The following KIF1B variants were observed in gnomAD, a reference collection of about 807,000 sequenced individuals.
The protein encoded by KIF1B is kinesin family member 1B.
A neutral mutation model predicts 241.9 loss-of-function variants in KIF1B; 76 were observed. The observed-to-expected ratio is 0.31, with a 90% CI of 0.26 to 0.38. The LOEUF (loss-of-function observed/expected upper bound fraction) is 0.38. KIF1B is among the 10% of genes least tolerant of loss of function. KIF1B has a pLI of 1.00. For missense variants in KIF1B, 1,622 were observed against 2,271.4 expected (o/e 0.71, Z 5.81); for synonymous variants, 750 against 796.7 (o/e 0.94, Z 0.99).
chr1:10,334,921 T>C (rs889345371), intron 28 of KIF1B, among the ~76,000 whole-genome samples: 1 of 151,882 alleles, frequency 6.6e-6, no homozygotes, highest in Non-Finnish European at 1.5e-5. Context: ...GCATTAACTA[T>C]ATAAAAGTCA....
Position 10,374,743 on chromosome 1 carries a change from C to A in KIF1B, c.5097-111C>A. 1 of 1,086,992 alleles carries A rather than the reference C, an allele frequency of 9.2e-7. No individual in the cohort carries two copies. Among genetic ancestry groups the A allele is most frequent in the African/African-American group, 1.6e-5 (1 of 64,402 alleles). The allele number at this position is 1,086,992 out of a possible 1,614,324, so 67.3% of individuals were successfully genotyped here. On this transcript the variant is annotated intron_variant, in intron 46 of 48. Coordinates refer to ENST00000676179, the MANE Select transcript of KIF1B (RefSeq NM_001365951.3). This position sits in a 1 kb window ranked among gnomAD's most constrained non-coding sequence, Gnocchi z 4.3. ...ATTCTAGGCCAAATAGGTCATTTGC[C>A]TGTTTCATCGAATCTAAGGACTTGG...
Position 10,303,251 on chromosome 1 carries a change from C to G in KIF1B, c.2115+6005C>G. On this transcript the variant is annotated intron_variant, in intron 22 of 48. Coordinates refer to ENST00000676179, the MANE Select transcript of KIF1B (RefSeq NM_001365951.3). The surrounding 1 kb of genome is among the most constrained non-coding windows in gnomAD (Gnocchi z 5.2). ...ATTACTTCTCTGAGAGAAAAGCTAC[C>G]TCCCAGCAAGTTGCAAACCATTGTT... is the stretch of plus-strand genomic sequence containing the variant. The G allele has an allele frequency of 6.2e-7, 1 of 1,614,138 alleles. No homozygotes were observed. Among genetic ancestry groups the G allele is most frequent in the Non-Finnish European group, 8.5e-7 (1 of 1,180,018 alleles).
At chr1:10,217,798 A>AC (rs1646788658) in intron 1 of KIF1B, among the ~76,000 whole-genome samples, 1 of 138,742 alleles carries the variant, frequency 7.2e-6, no homozygotes, top group African/African-American at 2.5e-5. Flanking sequence ...ACTTTGCTGT[A>AC]CTCCCCCGTG....
chr1:10,352,954 T>G (rs896847052), intron 38 of KIF1B, among the ~76,000 whole-genome samples: 4 of 152,236 alleles, frequency 2.6e-5, no homozygotes, highest in African/African-American at 9.6e-5. Flanking sequence ...GATCAGTTAC[T>G]CTTAGAGAAT....
At chr1:10,213,455 G>A (rs904365265) in intron 1 of KIF1B, among the ~76,000 whole-genome samples, 9 of 151,998 alleles carry the variant, frequency 5.9e-5, no homozygotes, top group East Asian at 1.9e-4. Flanking sequence ...GTCTGCCAAC[G>A]GAGTCTTTCT....
chr1:10,361,121 C>T (rs745360730), intron 39 of KIF1B, 78 bp downstream of exon 39: 109 of 923,694 alleles, frequency 1.2e-4, no homozygotes, highest in Non-Finnish European at 1.8e-4. Flanking sequence ...AAGTGGTCAG[C>T]GAAGATTCCA....
intron 40 of KIF1B, among the ~76,000 whole-genome samples, chr1:10,362,668 C>T (rs1638457216): frequency 1.3e-5 from 2 of 152,224 alleles, no homozygotes; most frequent in South Asian, 2.1e-4. Context: ...TCCCTCATAT[C>T]GTCTCTCTTA....
chr1:10,304,321 C>CA, intron 22 of KIF1B: 1 of 1,614,230 alleles, frequency 6.2e-7, no homozygotes, highest in Non-Finnish European at 8.5e-7. Flanking sequence ...ACAGCCACCT[C>CA]AACTACGTTG....
At position 10,377,948 on chromosome 1, in the gene KIF1B, A is replaced by T. The variant is rs2847347; in HGVS notation, c.*1361A>T. ...AAGACTCTGCCTCAGAAAAAAAAAA[A>T]AATAATAATGCTGGGTAGTGACCTT... On this transcript the variant is annotated 3_prime_UTR_variant, in exon 49 of 49. Transcript: ENST00000676179. 8,547 of 223,108 alleles carry T rather than the reference A, an allele frequency of 0.038. 243 individuals are homozygous for T. The highest frequency in any genetic ancestry group is 0.057 in the Non-Finnish European group (6,284 of 111,046). 13.8% of individuals were successfully genotyped at this position (223,108 alleles called of 1,614,324 possible). A position where few individuals can be genotyped will look rare whatever the true frequency, so the allele number is the denominator to read the frequency against.
At chr1:10,323,015 C>T (rs1651582552) in intron 24 of KIF1B, among the ~76,000 whole-genome samples, 1 of 152,128 alleles carries the variant, frequency 6.6e-6, no homozygotes, top group African/African-American at 2.4e-5. Context: ...CTCACTACTG[C>T]CTCCACCTTC....
At chr1:10,251,091 A>G (rs1045384354) in intron 2 of KIF1B, among the ~76,000 whole-genome samples, 1 of 152,050 alleles carries the variant, frequency 6.6e-6, no homozygotes, top group African/African-American at 2.4e-5. Flanking sequence ...GCTTGAACCT[A>G]GGAGACAGCG....
chr1:10,368,341 G>T (rs1638632800), intron 43 of KIF1B, 126 bp from the exon 44 acceptor site: 1 of 745,564 alleles, frequency 1.3e-6, no homozygotes, highest in Admixed American at 1.9e-5. Context: ...AGGGAGAGGA[G>T]ATGTGGAGCT....
chr1:10,224,855 C>CTT (rs1646890672), intron 1 of KIF1B, among the ~76,000 whole-genome samples: 1 of 152,162 alleles, frequency 6.6e-6, no homozygotes, highest in Admixed American at 6.5e-5. Flanking sequence ...TGTCCCCATT[C>CTT]TTTTTAGCCC....
chr1:10,281,036 T>C lies in KIF1B; in HGVS notation c.1223-1286T>C, dbSNP rs1011062359. On this transcript the variant is annotated intron_variant, in intron 14 of 48. Coordinates refer to ENST00000676179, the MANE Select transcript of KIF1B (RefSeq NM_001365951.3). ...TATCCCCCTTTTAAAAGATGCCTCT[T>C]TGCTTGTTGCCCTATGTTCTGTATT... Among the ~76,000 whole-genome samples the C allele has an allele frequency of 4.6e-5, 7 of 152,178 alleles. No individual in the cohort carries two copies. The East Asian group carries it at 5.8e-4, about 13-fold the overall frequency.
intron 2 of KIF1B, among the ~76,000 whole-genome samples, chr1:10,251,509 T>C (rs1475562992): frequency 6.6e-6 from 1 of 151,876 alleles, no homozygotes; most frequent in Non-Finnish European, 1.5e-5. Flanking sequence ...CTTAGGTGGG[T>C]GGATAACCTG....
At chr1:10,325,121 A>G (rs1201158957) in intron 26 of KIF1B, among the ~76,000 whole-genome samples, 1 of 152,232 alleles carries the variant, frequency 6.6e-6, no homozygotes, top group Non-Finnish European at 1.5e-5. Flanking sequence ...CAAAGTATTT[A>G]AATCTTCCCT....
Position 10,296,639 on chromosome 1 carries a change from T to C in KIF1B, c.1835T>C (p.Val612Ala). 1 of 1,613,978 alleles carries C rather than the reference T, an allele frequency of 6.2e-7. No homozygotes were observed. Among genetic ancestry groups the C allele is most frequent in the Non-Finnish European group, 8.5e-7 (1 of 1,179,946 alleles). The stretch of plus-strand genomic sequence containing the variant: ...GAAACCTACGTAAATGGCAAGAGGG[T>C]GTCCCAGCCTGTTCAGCTGCGCTCA... ...RSETYVNGKR[V>A]SQPVQLRSGN... Residue 612 changes from valine (V) to alanine (A), a missense_variant, in exon 20 of 49, where the codon GTG becomes GCG. Transcript: ENST00000676179.
rs1339458 is a variant in KIF1B, at chr1:10,268,280, C to T, written c.720+17C>T. 430,392 of 1,493,890 alleles carry T rather than the reference C, an allele frequency of 0.29. 63,411 individuals are homozygous for T. Among genetic ancestry groups the T allele is most frequent in the Admixed American group, 0.34 (20,021 of 59,662 alleles). 92.5% of individuals were successfully genotyped at this position (1,493,890 alleles called of 1,614,324 possible). A position where few individuals can be genotyped will look rare whatever the true frequency, so the allele number is the denominator to read the frequency against. The stretch of plus-strand genomic sequence containing the variant: ...ACTGAGAAGGTAGGAGAGTTTCAGT[C>T]TCTAGGCTTGAGTTGTGAAGGATGG... On this transcript the variant is annotated intron_variant, in intron 7 of 48. Coordinates refer to ENST00000676179, the MANE Select transcript of KIF1B (RefSeq NM_001365951.3).
intron 5 of KIF1B, among the ~76,000 whole-genome samples, chr1:10,262,844 A>G (rs1244845424): frequency 2.6e-5 from 4 of 152,170 alleles, no homozygotes; most frequent in African/African-American, 7.2e-5. Context: ...TTAAATATAT[A>G]TAATCAAATC....
Sources: gnomAD v4.1 joint callset for allele counts (sites outside exome capture counted in the v4.1 genomes callset) on GRCh38, gnomAD v4.1.1 for gene constraint, Gnocchi (gnomAD v3.1) non-coding constraint, MANE v1.5 for transcripts, NCBI Gene and HGNC (gene_info 2026-07-23, HGNC 2026-07-21) for gene names.